NLRP14: variants seen among roughly 807,000 people sequenced by gnomAD.
NLRP14 encodes the protein NACHT, LRR and PYD domains-containing protein 14.
A neutral mutation model predicts 94.7 loss-of-function variants in NLRP14; 105 were observed. The ratio of observed to expected loss-of-function variants is 1.11; its 90% CI spans 0.95 to 1.30. The LOEUF (loss-of-function observed/expected upper bound fraction) is 1.30, where lower values mean the gene tolerates loss of function less well. Among genes scored for constraint, NLRP14 ranks in the 50% most tolerant of loss-of-function variants. NLRP14 has a pLI of 0.00. For synonymous variants in NLRP14, 508 were observed against 459.9 expected (o/e 1.10, Z -1.34); for missense variants, 1,362 against 1,254.1 (o/e 1.09, Z -1.30).
chr11:7,073,583 G>T (rs1482075679), downstream of NLRP14, among the ~76,000 whole-genome samples: 1 of 152,182 alleles, frequency 6.6e-6, no homozygotes, highest in Non-Finnish European at 1.5e-5. Flanking sequence ...GTTCCAGGTT[G>T]TGACCTGTTC....
chr11:7,068,636 A>G (rs2220670), intron 10 of NLRP14, among the ~76,000 whole-genome samples: 95,671 of 151,988 alleles, frequency 0.63, 31,240 homozygotes, highest in East Asian at 0.93. Flanking sequence ...TTAAGAACAC[A>G]AAAAATTGTT....
downstream of NLRP14, among the ~76,000 whole-genome samples, chr11:7,072,334 T>C (rs1852813078): frequency 6.6e-6 from 1 of 152,232 alleles, no homozygotes; most frequent in Admixed American, 6.5e-5. Context: ...TTTCCTGTTA[T>C]CAGCCGGAAG....
intron 9 of NLRP14, among the ~76,000 whole-genome samples, chr11:7,061,374 T>G (rs1445171198): frequency 6.6e-6 from 1 of 152,092 alleles, no homozygotes; most frequent in Non-Finnish European, 1.5e-5. Context: ...ACGTATAATT[T>G]CTAAGTGACC....
intron 6 of NLRP14, 133 bp from the exon 7 acceptor site, chr11:7,057,544 C>T (rs1302539544): frequency 8.8e-6 from 7 of 792,250 alleles, no homozygotes; most frequent in South Asian, 1.5e-5. Flanking sequence ...AACTTTTTTT[C>T]TGTGTAGAGA....
Position 7,057,564 on chromosome 11 carries a change from T to G in NLRP14, c.2292-113T>G, listed in dbSNP as rs1852534013. 14 of 1,046,524 alleles carry G rather than the reference T, an allele frequency of 1.3e-5. No homozygotes were observed. The Admixed American group carries it at 2.3e-4, about 17-fold the overall frequency. The allele number at this position is 1,046,524 out of a possible 1,614,324, so 64.8% of individuals were successfully genotyped here. ...TTTTTCTGTGTAGAGAAGTTGGATT[T>G]TTCAGGCAAGATTCCAAAGATTAGG... On this transcript the variant is annotated intron_variant, in intron 6 of 11. Transcript: ENST00000299481.
At chr11:7,088,193 G>C in the NLRP14 span, among the ~76,000 whole-genome samples, 1 of 152,114 alleles carries the variant, frequency 6.6e-6, no homozygotes, top group Non-Finnish European at 1.5e-5. Flanking sequence ...ACCATATTAG[G>C]TCACAAAGCA....
At chr11:7,078,532 G>C in the NLRP14 span, among the ~76,000 whole-genome samples, 121 of 149,384 alleles carry the variant, frequency 8.1e-4, no homozygotes, top group Admixed American at 4.0e-3. Context: ...GCTCACACCT[G>C]TAATCCCAGC....
the NLRP14 span, chr11:7,089,514 G>A: frequency 8.2e-7 from 1 of 1,224,288 alleles, no homozygotes; most frequent in African/African-American, 1.6e-5. Flanking sequence ...TGATGACGGC[G>A]GCTACACGGC....
At chr11:7,089,974 G>C in the NLRP14 span, 1 of 1,613,154 alleles carries the variant, frequency 6.2e-7, no homozygotes, top group Non-Finnish European at 8.5e-7. Context: ...CCCTTTGAGA[G>C]CTACGGAGAG....
rs570531891 is a variant in NLRP14 at position 7,035,967 on chromosome 11, G to T, written c.-21-2599G>T. Among the ~76,000 whole-genome samples, 286 of 152,300 alleles carry T rather than the reference G, an allele frequency of 1.9e-3. 1 individual carries two copies. The highest frequency in any genetic ancestry group is 6.7e-3 in the African/African-American group (277 of 41,576). ...ATGATAGGCCATTTGTCAACTCTAT[G>T]ACCTGGGCAAGTTTCTTAATTTCTG... On this transcript the variant is annotated intron_variant, in intron 1 of 11. Coordinates refer to ENST00000299481, the MANE Select transcript of NLRP14 (RefSeq NM_176822.4).
intron 2 of NLRP14, 110 bp downstream of exon 2, chr11:7,038,985 C>A: frequency 2.0e-6 from 2 of 1,000,386 alleles, no homozygotes; most frequent in Non-Finnish European, 2.9e-6. Flanking sequence ...TGTTGGGGGA[C>A]ATAAGCTCCA....
chr11:7,054,333 T>A (rs1195708950), intron 6 of NLRP14, among the ~76,000 whole-genome samples: 1 of 152,154 alleles, frequency 6.6e-6, no homozygotes, highest in Admixed American at 6.5e-5. Context: ...CACAGTGGAA[T>A]TGCTGGATCA....
At chr11:7,078,555 C>T in the NLRP14 span, among the ~76,000 whole-genome samples, 5 of 150,316 alleles carry the variant, frequency 3.3e-5, no homozygotes, top group South Asian at 2.1e-4. Context: ...TTTGGGAGGC[C>T]GAGGCGAGTG....
In NLRP14 at chr11:7,042,786, C is replaced by G. The variant is rs140289229; in HGVS notation, c.760C>G (p.Leu254Val). 9 of 1,614,178 alleles carry G rather than the reference C, an allele frequency of 5.6e-6. No homozygotes were observed. The African/African-American group carries it at 9.3e-5, about 17-fold the overall frequency. The change falls in exon 4 of 12, where the codon CTC (leucine) becomes GTC (valine). Residue 254 changes from leucine to valine, a missense_variant. Physicochemically the swap from Leu to Val is conservative, Grantham distance 32 (BLOSUM62 1). Coordinates refer to ENST00000299481, the MANE Select transcript of NLRP14 (RefSeq NM_176822.4). ...IEEIMYQPSS[L>V]LFIIDSFDEL... is the part of the protein sequence containing the mutation. ...AGAAATCATGTACCAGCCAAGTAGC[C>G]TCTTGTTTATTATTGACAGTTTCGA... is the stretch of plus-strand genomic sequence containing the variant.
At chr11:7,064,517 A>G (rs1036512546) in intron 10 of NLRP14, among the ~76,000 whole-genome samples, 2 of 151,686 alleles carry the variant, frequency 1.3e-5, no homozygotes, top group African/African-American at 4.8e-5. Context: ...CATTCCAAAT[A>G]TTGTTGCTGC....
chr11:7,089,284 C>A, the NLRP14 span: 1 of 1,608,210 alleles, frequency 6.2e-7, no homozygotes, highest in South Asian at 1.1e-5. Context: ...GCGTTCGTCA[C>A]CTTTGAAAGC....
chr11:7,057,516 C>A (rs1230404952), intron 6 of NLRP14, among the ~76,000 whole-genome samples, 161 bp from the exon 7 acceptor site: 1 of 151,942 alleles, frequency 6.6e-6, no homozygotes, highest in Non-Finnish European at 1.5e-5. Flanking sequence ...CTGTCAGAGC[C>A]TTATGCTTTA....
At chr11:7,056,117 A>AT (rs904047586) in intron 6 of NLRP14, among the ~76,000 whole-genome samples, 1 of 152,004 alleles carries the variant, frequency 6.6e-6, no homozygotes, top group East Asian at 1.9e-4. Context: ...AAAGAGTTTT[A>AT]TTTTTTATTA....
chr11:7,050,687 C>A (rs749383208), intron 6 of NLRP14, among the ~76,000 whole-genome samples: 6 of 152,096 alleles, frequency 3.9e-5, no homozygotes, highest in Non-Finnish European at 7.4e-5. Flanking sequence ...ATAAGACTTT[C>A]TTTGACGTTT....
Sources: gnomAD v4.1 joint callset for allele counts (sites outside exome capture counted in the v4.1 genomes callset) on GRCh38, gnomAD v4.1.1 for gene constraint, MANE v1.5 for transcripts, NCBI Gene and HGNC (gene_info 2026-07-23, HGNC 2026-07-21) for gene names.